The following ABHD12 variants were observed in gnomAD, a reference collection of about 807,000 sequenced individuals.
ABHD12 encodes lysophosphatidylserine lipase ABHD12.
Under a neutral mutation model 58.3 loss-of-function variants are expected in ABHD12, and 43 were observed. The observed-to-expected ratio is 0.74, with a 90% CI of 0.58 to 0.95. ABHD12 has a LOEUF of 0.95. ABHD12 is among the 40% of genes least tolerant of loss of function. ABHD12 has a pLI of 0.00. For missense variants in ABHD12, 539 were observed against 537.2 expected (o/e 1.00, Z -0.03); for synonymous variants, 219 against 211.2 (o/e 1.04, Z -0.32).
chr20:25,359,940 C>T (rs931343921), intron 1 of ABHD12, among the ~76,000 whole-genome samples: 11 of 151,960 alleles, frequency 7.2e-5, no homozygotes, highest in South Asian at 4.2e-4. Context: ...AAAATATTTC[C>T]CTCTATCATT....
intron 2 of ABHD12, among the ~76,000 whole-genome samples, chr20:25,325,527 C>T (rs1234478939): frequency 6.6e-6 from 1 of 152,094 alleles, no homozygotes; most frequent in African/African-American, 2.4e-5. Flanking sequence ...GACATTTAGA[C>T]ACAGAGACAG....
At chr20:25,339,949 C>T (rs879640426) in intron 1 of ABHD12, among the ~76,000 whole-genome samples, 1 of 152,232 alleles carries the variant, frequency 6.6e-6, no homozygotes, top group East Asian at 1.9e-4. Context: ...CAAGCCAGGT[C>T]GCCAGCCCAG....
At chr20:25,297,247 G>A (rs753945479), downstream of ABHD12, 1 of 152,304 alleles carries the variant, frequency 6.6e-6, no homozygotes, top group Non-Finnish European at 1.5e-5. Flanking sequence ...TCAGGATGAA[G>A]TTGGCTGACA....
At chr20:25,329,433 C>T (rs927349109) in intron 2 of ABHD12, among the ~76,000 whole-genome samples, 3 of 149,128 alleles carry the variant, frequency 2.0e-5, no homozygotes, top group Non-Finnish European at 4.4e-5. Flanking sequence ...TTTTCACTGT[C>T]CACCCCCCAG....
Position 25,304,201 on chromosome 20 carries a change from G to A in ABHD12, c.951-573C>T, listed in dbSNP as rs554325052. ...CCAAGTCTCCTTTATCCCCAACAGGGCTGTGTGCTCCGTGAGGGCAGCGCT... is the reference window on the plus strand; with the variant it reads ...CCAAGTCTCCTTTATCCCCAACAGGACTGTGTGCTCCGTGAGGGCAGCGCT... On this transcript the variant is annotated intron_variant, in intron 10 of 12. Coordinates refer to ENST00000339157, the MANE Select transcript of ABHD12 (RefSeq NM_001042472.3). Among the ~76,000 whole-genome samples, 19 of 152,380 alleles carry A rather than the reference G, an allele frequency of 1.2e-4. 1 individual carries two copies. Among genetic ancestry groups the A allele is most frequent in the Admixed American group, 3.9e-4 (6 of 15,310 alleles).
intron 1 of ABHD12, among the ~76,000 whole-genome samples, chr20:25,352,157 A>C (rs372670290): frequency 1.1e-4 from 17 of 151,268 alleles, no homozygotes; most frequent in African/African-American, 4.1e-4. Flanking sequence ...ATTCCTGGCT[A>C]ATTTTTGTAT....
At chr20:25,310,379 C>T (rs573978261) in intron 6 of ABHD12, 2 of 152,326 alleles carry the variant, frequency 1.3e-5, no homozygotes, top group South Asian at 2.1e-4. Context: ...ACCATCTCTG[C>T]CCCCCAAAAT....
chr20:25,382,073 C>T (rs2090029037), intron 1 of ABHD12, among the ~76,000 whole-genome samples: 1 of 152,046 alleles, frequency 6.6e-6, no homozygotes, highest in African/African-American at 2.4e-5. Context: ...TCACCACAAT[C>T]CTACAGGGAA....
In ABHD12 at chr20:25,334,785, A is replaced by AC. The variant is rs1351041122; in HGVS notation, c.316+4441dup. ...AGCTGAAACTGGATCCCTTCCTTACACCTTATACAAAAATCAATTCAAGAT... is the reference window on the plus strand; with the variant it reads ...AGCTGAAACTGGATCCCTTCCTTACACCCTTATACAAAAATCAATTCAAGAT... On this transcript the variant is annotated intron_variant, in intron 2 of 12. Coordinates refer to ENST00000339157, the MANE Select transcript of ABHD12 (RefSeq NM_001042472.3). Among the ~76,000 whole-genome samples, 56 of 148,326 alleles carry AC rather than the reference A, an allele frequency of 3.8e-4. 1 individual carries two copies. Among genetic ancestry groups the AC allele is most frequent in the African/African-American group, 1.4e-3 (56 of 40,100 alleles).
chr20:25,389,583 G>C lies in ABHD12; in HGVS notation c.191+930C>G, dbSNP rs199913693. 7.2e-5 allele frequency among the ~76,000 whole-genome samples: 11 copies of C among 152,288 alleles called. 1 individual carries two copies. In the East Asian group the frequency reaches 1.9e-3, roughly 27 times the overall value. ...CGTTCTACAACAGCCAGATAATTAG[G>C]AAACCAGCAGATGGGAGGAGAAATC... On this transcript the variant is annotated intron_variant, in intron 1 of 12. Transcript: ENST00000339157.
chr20:25,343,018 C>A (rs2089474946), intron 1 of ABHD12, among the ~76,000 whole-genome samples: 1 of 152,170 alleles, frequency 6.6e-6, no homozygotes, highest in African/African-American at 2.4e-5. Flanking sequence ...TGGTCTCAAA[C>A]TCCTGGGCTA....
At chr20:25,317,184 C>T in intron 4 of ABHD12, 106 bp from the exon 5 acceptor site, 2 of 751,028 alleles carry the variant, frequency 2.7e-6, no homozygotes, top group Non-Finnish European at 4.8e-6. Flanking sequence ...TGAAAGAGGG[C>T]AGAACCTCTT....
intron 1 of ABHD12, among the ~76,000 whole-genome samples, chr20:25,362,842 T>G (rs1320363480): frequency 1.3e-5 from 2 of 151,536 alleles, no homozygotes; most frequent in Non-Finnish European, 2.9e-5. Context: ...CCCCGGCTAA[T>G]TTTGTATTTT....
At chr20:25,347,773 T>C (rs2089539376) in intron 1 of ABHD12, among the ~76,000 whole-genome samples, 1 of 152,010 alleles carries the variant, frequency 6.6e-6, no homozygotes, top group Non-Finnish European at 1.5e-5. Flanking sequence ...GATAAATCTC[T>C]TCAGCAAGTC....
chr20:25,324,411 C>A (rs760307426), intron 2 of ABHD12, among the ~76,000 whole-genome samples: 5 of 152,162 alleles, frequency 3.3e-5, no homozygotes, highest in African/African-American at 4.8e-5. Context: ...TTGGTGAACA[C>A]AACTTTAAAA....
chr20:25,295,823 C>A (rs192949069), downstream of ABHD12, among the ~76,000 whole-genome samples: 59 of 152,358 alleles, frequency 3.9e-4, no homozygotes, highest in East Asian at 9.5e-3. Flanking sequence ...CTGTGCCTGC[C>A]TTTAGGGAAG....
intron 1 of ABHD12, among the ~76,000 whole-genome samples, chr20:25,361,677 C>T (rs1243813642): frequency 2.6e-5 from 4 of 152,164 alleles, no homozygotes; most frequent in Admixed American, 6.5e-5. Flanking sequence ...CACCTGGGAC[C>T]GGGCGTGGTG....
chr20:25,312,396 G>C (rs1356135958), intron 6 of ABHD12, among the ~76,000 whole-genome samples: 2 of 152,182 alleles, frequency 1.3e-5, no homozygotes, highest in Admixed American at 6.5e-5. Flanking sequence ...GGCCAGGCTG[G>C]TCTTCAGCTC....
At chr20:25,385,687 A>T (rs977276763) in intron 1 of ABHD12, among the ~76,000 whole-genome samples, 1 of 96,420 alleles carries the variant, frequency 1.0e-5, no homozygotes, top group Non-Finnish European at 2.0e-5. Context: ...GTACCAAAAA[A>T]TTTAAATAAA....
Sources: gnomAD v4.1 joint callset for allele counts (sites outside exome capture counted in the v4.1 genomes callset) on GRCh38, gnomAD v4.1.1 for gene constraint, MANE v1.5 for transcripts, NCBI Gene and HGNC (gene_info 2026-07-23, HGNC 2026-07-21) for gene names.